SPTBN1: variants seen among roughly 807,000 people sequenced by gnomAD.
The protein encoded by SPTBN1 is spectrin beta chain, non-erythrocytic 1.
In SPTBN1, 32 loss-of-function variants were observed where a neutral mutation model predicts 266.4. That is an observed-to-expected ratio of 0.12 (90% confidence interval 0.09 to 0.16). The LOEUF is 0.16. Ranked by LOEUF, SPTBN1 falls within the 10% of genes least tolerant of loss-of-function variation. SPTBN1 has a pLI of 1.00. For missense variants in SPTBN1, 2,296 were observed against 3,067.1 expected (o/e 0.75, Z 5.94); for synonymous variants, 1,336 against 1,162.2 (o/e 1.15, Z -3.04).
chr2:54,523,744 C>G (rs1361204928), intron 1 of SPTBN1, among the ~76,000 whole-genome samples: 4 of 152,124 alleles, frequency 2.6e-5, no homozygotes, highest in Admixed American at 1.3e-4. Context: ...TTGAATGATC[C>G]TTCTGTGTTG....
chr2:54,538,869 C>T (rs985806726), intron 2 of SPTBN1, among the ~76,000 whole-genome samples: 1 of 152,224 alleles, frequency 6.6e-6, no homozygotes, highest in East Asian at 1.9e-4. Flanking sequence ...TCGGAGATGC[C>T]GGGCCATTTG....
chr2:54,665,986 C>T lies in SPTBN1; in HGVS notation c.6731C>T (p.Ala2244Val), dbSNP rs956588950. The change falls in exon 34 of 36, where the codon GCT becomes GTT. Residue 2244 changes from alanine (A) to valine (V), a missense_variant. By Grantham distance (64) the Ala-to-Val change is moderately conservative. Coordinates refer to ENST00000356805, the MANE Select transcript of SPTBN1 (RefSeq NM_003128.3). ...MGFYKDAKTA[A>V]SGIPYHSEVP... ...TTCTACAAAGATGCAAAGACTGCTGCTTCTGGAATTCCCTACCACAGCGAG... is the reference window on the plus strand; with the variant it reads ...TTCTACAAAGATGCAAAGACTGCTGTTTCTGGAATTCCCTACCACAGCGAG... 24 of 1,613,996 alleles carry T rather than the reference C, an allele frequency of 1.5e-5. No individual in the cohort carries two copies. The highest frequency in any genetic ancestry group is 1.9e-5 in the Non-Finnish European group (22 of 1,180,030).
At position 54,649,238 on chromosome 2, in the gene SPTBN1, T is replaced by C. The variant is rs74622332; in HGVS notation, c.5202+48T>C. ...GAGTTGGTTGTGCAGTAAGCGATGG[T>C]GTGGAAGGCCATTTGCATTCCTTGT... is the stretch of plus-strand genomic sequence containing the variant. On this transcript the variant is annotated intron_variant, in intron 25 of 35. Coordinates refer to ENST00000356805, the MANE Select transcript of SPTBN1 (RefSeq NM_003128.3). The surrounding 1 kb of genome is among the most constrained non-coding windows in gnomAD (Gnocchi z 6.7). The C allele has an allele frequency of 4.7e-3, 7,306 of 1,539,922 alleles. 267 individuals carry two copies. In the African/African-American group the frequency reaches 0.081, roughly 17 times the overall value.
intron 2 of SPTBN1, among the ~76,000 whole-genome samples, chr2:54,594,957 C>CA (rs1675966952): frequency 6.6e-6 from 1 of 151,746 alleles, no homozygotes; most frequent in Non-Finnish European, 1.5e-5. Context: ...GCCTCAGCCT[C>CA]ACAAGTAGCT....
At position 54,644,426 on chromosome 2, in the gene SPTBN1, A is replaced by G. The variant is rs879065340; in HGVS notation, c.4109A>G (p.Gln1370Arg). 1 of 1,614,276 alleles carries G rather than the reference A, an allele frequency of 6.2e-7. No homozygotes were observed. The highest frequency in any genetic ancestry group is 8.5e-7 in the Non-Finnish European group (1 of 1,180,044). Reference sequence around the variant, plus strand: ...TGGGAAGTCCTTGAATCCACTACCCAGACAAAGGCCCAGCGGCTCTTTGAT... The same window carrying G: ...TGGGAAGTCCTTGAATCCACTACCCGGACAAAGGCCCAGCGGCTCTTTGAT... ...KMWEVLESTT[Q>R]TKAQRLFDAN... The change falls in exon 20 of 36, where the codon CAG becomes CGG. Residue 1370 changes from glutamine (Q) to arginine (R), a missense_variant. By Grantham distance (43) the Gln-to-Arg change is conservative (BLOSUM62 1). Transcript: ENST00000356805.
intron 2 of SPTBN1, among the ~76,000 whole-genome samples, chr2:54,597,816 T>C (rs1353867158): frequency 6.6e-6 from 1 of 151,694 alleles, no homozygotes; most frequent in African/African-American, 2.4e-5. Flanking sequence ...TTTTAGTTGT[T>C]ACCCCCACCC....
At chr2:54,657,185 G>A (rs528415494) in intron 29 of SPTBN1, among the ~76,000 whole-genome samples, 1 of 152,370 alleles carries the variant, frequency 6.6e-6, no homozygotes, top group East Asian at 1.9e-4. Flanking sequence ...ACAGGTGGAA[G>A]AACAGAATGA....
At chr2:54,541,828 A>G in intron 2 of SPTBN1, among the ~76,000 whole-genome samples, 1 of 152,242 alleles carries the variant, frequency 6.6e-6, no homozygotes, top group South Asian at 2.1e-4. Context: ...ATATACATAC[A>G]CATAAATGTA....
At chr2:54,639,356 A>G (rs1266915358) in intron 18 of SPTBN1, among the ~76,000 whole-genome samples, 1 of 152,012 alleles carries the variant, frequency 6.6e-6, no homozygotes, top group African/African-American at 2.4e-5. Context: ...ACCTTGAGAA[A>G]CCATCTGTGA....
At position 54,470,903 on chromosome 2, in the gene SPTBN1, GT is replaced by G. The variant is rs544430178; in HGVS notation, c.-48+14386del. The stretch of plus-strand genomic sequence containing the variant: ...CTTGTCCAACCTACAGCCTTTGAAT[GT>G]GGCCCAGCACAAATTTGTAAACTTT... On this transcript the variant is annotated intron_variant, in intron 1 of 35. Transcript: ENST00000356805. Among the ~76,000 whole-genome samples, 295 of 152,304 alleles carry G rather than the reference GT, an allele frequency of 1.9e-3. 2 individuals carry two copies. The highest frequency in any genetic ancestry group is 6.8e-3 in the African/African-American group (284 of 41,560).
chr2:54,575,952 G>A (rs1325126212), intron 2 of SPTBN1, among the ~76,000 whole-genome samples: 4 of 151,926 alleles, frequency 2.6e-5, no homozygotes, highest in African/African-American at 7.3e-5. Flanking sequence ...GGTTAAAGCA[G>A]GGCCCAGACT....
intron 2 of SPTBN1, among the ~76,000 whole-genome samples, chr2:54,549,354 A>G (rs1273727636): frequency 6.6e-6 from 1 of 151,688 alleles, no homozygotes; most frequent in Non-Finnish European, 1.5e-5. Context: ...TTCCAAGAGC[A>G]TTATGTCCTC....
intron 1 of SPTBN1, among the ~76,000 whole-genome samples, chr2:54,485,760 G>C (rs544929728): frequency 6.6e-6 from 1 of 151,140 alleles, no homozygotes; most frequent in Non-Finnish European, 1.5e-5. Context: ...GCCTCTTCCC[G>C]GCCGCCATCA....
At chr2:54,661,841 A>T (rs1433779824) in intron 32 of SPTBN1, 16 of 985,364 alleles carry the variant, frequency 1.6e-5, no homozygotes, top group Non-Finnish European at 1.9e-5. Flanking sequence ...ACATAAGCAC[A>T]CAAGAAAAGA....
rs377142210 is a variant in SPTBN1, at chr2:54,482,744, T to C, written c.-48+26226T>C. On this transcript the variant is annotated intron_variant, in intron 1 of 35. Coordinates refer to ENST00000356805, the MANE Select transcript of SPTBN1 (RefSeq NM_003128.3). ...AACATTTCCATCACAGCAGACAGTT[T>C]CATTGGGCAGCCTAGATCTAGGGTG... 1.1e-4 allele frequency among the ~76,000 whole-genome samples: 16 copies of C among 152,310 alleles called. No homozygotes were observed. In the East Asian group the frequency reaches 1.7e-3, roughly 17 times the overall value.
chr2:54,548,102 C>G (rs915182673), intron 2 of SPTBN1, among the ~76,000 whole-genome samples: 1 of 152,130 alleles, frequency 6.6e-6, no homozygotes, highest in Non-Finnish European at 1.5e-5. Flanking sequence ...AAGATCATGC[C>G]ACTGCACTCC....
At chr2:54,557,742 A>G in intron 2 of SPTBN1, 1 of 985,434 alleles carries the variant, frequency 1.0e-6, no homozygotes, top group Non-Finnish European at 1.2e-6. Context: ...TTCCTATCAT[A>G]GGCCCGTGTT....
chr2:54,576,595 A>C (rs1003773264), intron 2 of SPTBN1, among the ~76,000 whole-genome samples: 1 of 152,190 alleles, frequency 6.6e-6, no homozygotes, highest in Non-Finnish European at 1.5e-5. Flanking sequence ...GGCTGTGAGA[A>C]TGGAGTAGCA....
chr2:54,503,902 G>C (rs1184593365), intron 1 of SPTBN1, among the ~76,000 whole-genome samples: 2 of 152,154 alleles, frequency 1.3e-5, no homozygotes, highest in African/African-American at 4.8e-5. Context: ...GATATTTCCA[G>C]GAACTGCATT....
Sources: gnomAD v4.1 joint callset for allele counts (sites outside exome capture counted in the v4.1 genomes callset) on GRCh38, gnomAD v4.1.1 for gene constraint, Gnocchi (gnomAD v3.1) non-coding constraint, MANE v1.5 for transcripts, NCBI Gene and HGNC (gene_info 2026-07-23, HGNC 2026-07-21) for gene names.